The following ITGA6 variants were observed in gnomAD, a reference collection of about 807,000 sequenced individuals.
The protein encoded by ITGA6 is integrin alpha-6.
In ITGA6, 63 loss-of-function variants were observed where a neutral mutation model predicts 133.6. That is an observed-to-expected ratio of 0.47 (90% CI 0.38 to 0.58). ITGA6 has a LOEUF of 0.58. ITGA6 is among the 20% of genes least tolerant of loss of function. The pLI, the probability that ITGA6 is intolerant of heterozygous loss-of-function variation, is 0.00. For synonymous variants in ITGA6, 434 were observed against 482.0 expected (o/e 0.90, Z 1.30); for missense variants, 1,068 against 1,309.4 (o/e 0.82, Z 2.85).
Position 172,487,453 on chromosome 2 carries a change from T to A in ITGA6, c.2160T>A (p.Pro720=). 2.5e-6 allele frequency: 4 copies of A among 1,613,784 alleles called. No homozygotes were observed. Among genetic ancestry groups the A allele is most frequent in the Non-Finnish European group, 3.4e-6 (4 of 1,179,690 alleles). The change falls in exon 15 of 26, where the codon CCT becomes CCA. Residue 720 remains proline (P), a splice_region_variant and synonymous_variant. Coordinates refer to ENST00000684293, the MANE Select transcript of ITGA6 (RefSeq NM_000210.4). ...YSAYRELRAF[P]EKQLSCVANQ... ...CATATAGAGAACTGAGGGCTTTCCC[T>A]GTAAGTATTGTTAGAGACCAGCTGA...
chr2:172,480,045 T>G lies in ITGA6; in HGVS notation c.1543T>G (p.Ser515Ala). Residue 515 changes from serine to alanine, a missense_variant, in exon 11 of 26, where the codon TCA (serine) becomes GCA (alanine). Coordinates refer to ENST00000684293, the MANE Select transcript of ITGA6 (RefSeq NM_000210.4). ...YTANPAGYNPSISIVGTLEAE... is the reference protein window; with the variant it reads ...YTANPAGYNPAISIVGTLEAE... ...TGCTAACCCCGCTGGTTATAATCCTTCAATATGTAAGTACCTAGTACCTTT... is the reference window on the plus strand; with the variant it reads ...TGCTAACCCCGCTGGTTATAATCCTGCAATATGTAAGTACCTAGTACCTTT... 6.5e-7 allele frequency: 1 copy of G among 1,546,590 alleles called. No homozygotes were observed. Among genetic ancestry groups the G allele is most frequent in the Non-Finnish European group, 8.9e-7 (1 of 1,118,662 alleles).
At chr2:172,431,006 T>G (rs1684083654) in intron 1 of ITGA6, among the ~76,000 whole-genome samples, 1 of 152,204 alleles carries the variant, frequency 6.6e-6, no homozygotes, top group Non-Finnish European at 1.5e-5. Flanking sequence ...GAAGGAGATC[T>G]ATAAGAGATA....
rs531118044 is a variant in ITGA6 at position 172,483,893 on chromosome 2, C to T, written c.1550-889C>T. Among the ~76,000 whole-genome samples, 6 of 152,326 alleles carry T rather than the reference C, an allele frequency of 3.9e-5. No homozygotes were observed. In the South Asian group the frequency reaches 8.3e-4, roughly 21 times the overall value. The stretch of plus-strand genomic sequence containing the variant: ...TGGCATGAATTCAGCTCACTGTAAC[C>T]TCTGCCTCCTGGGTTCAAGCGATTC... On this transcript the variant is annotated intron_variant, in intron 11 of 25. Coordinates refer to ENST00000684293, the MANE Select transcript of ITGA6 (RefSeq NM_000210.4).
At chr2:172,428,091 C>G in intron 1 of ITGA6, 121 bp downstream of exon 1, 5 of 965,462 alleles carry the variant, frequency 5.2e-6, no homozygotes, top group Non-Finnish European at 6.8e-6. Context: ...GCGCCCGGGC[C>G]GGCCGAGGCG....
At chr2:172,471,464 A>C (rs916800706) in intron 5 of ITGA6, among the ~76,000 whole-genome samples, 8 of 152,170 alleles carry the variant, frequency 5.3e-5, no homozygotes, top group African/African-American at 1.7e-4. Flanking sequence ...CAGTAAGCTG[A>C]GATCTTTGTT....
intron 1 of ITGA6, 46 bp downstream of exon 1, chr2:172,428,016 G>A: frequency 6.4e-7 from 1 of 1,571,572 alleles, no homozygotes; most frequent in African/African-American, 1.4e-5. Flanking sequence ...GCCGGCCTGC[G>A]CGCGAGTTGA....
At chr2:172,469,091 C>T in intron 3 of ITGA6, 34 bp from the exon 4 acceptor site, 5 of 1,612,946 alleles carry the variant, frequency 3.1e-6, no homozygotes, top group Non-Finnish European at 3.4e-6. Flanking sequence ...GGTTTATAGA[C>T]AAGAATGGGC....
chr2:172,432,263 G>A (rs1314675352), intron 1 of ITGA6, among the ~76,000 whole-genome samples: 3 of 152,172 alleles, frequency 2.0e-5, no homozygotes, highest in Admixed American at 2.0e-4. Context: ...CTACACTAAA[G>A]CAATGTCTTT....
chr2:172,474,552 C>A (rs563280072), intron 6 of ITGA6, among the ~76,000 whole-genome samples: 1 of 152,270 alleles, frequency 6.6e-6, no homozygotes, highest in African/African-American at 2.4e-5. Flanking sequence ...AAAACACTTG[C>A]ATGATTCTGT....
intron 23 of ITGA6, among the ~76,000 whole-genome samples, chr2:172,492,290 C>T (rs1204060368): frequency 6.6e-6 from 1 of 152,216 alleles, no homozygotes; most frequent in East Asian, 1.9e-4. Context: ...TTTCTAGCAG[C>T]TGCTATTTTT....
intron 1 of ITGA6, among the ~76,000 whole-genome samples, chr2:172,462,977 G>A (rs534416025): frequency 5.3e-5 from 8 of 152,272 alleles, no homozygotes; most frequent in Admixed American, 3.9e-4. Flanking sequence ...CAGTCCCGCT[G>A]TCATCTCTTA....
At chr2:172,476,316 T>G in intron 8 of ITGA6, 79 bp from the exon 9 acceptor site, 1 of 828,362 alleles carries the variant, frequency 1.2e-6, no homozygotes, top group Non-Finnish European at 2.2e-6. Flanking sequence ...CAAAAGAAAC[T>G]TGTGTGTCTT....
rs758712163 is a variant in ITGA6 at position 172,465,600 on chromosome 2, G to A, written c.244G>A (p.Gly82Arg). The A allele has an allele frequency of 6.2e-7, 1 of 1,614,254 alleles. No individual in the cohort carries two copies. The highest frequency in any genetic ancestry group is 8.5e-7 in the Non-Finnish European group (1 of 1,180,042). ...ACTGCAGAGAGCCAACAGAACGGGA[G>A]GGCTGTACAGCTGCGACATCACCGC... Reference protein sequence around the residue: ...LPLQRANRTGGLYSCDITARG... With the variant: ...LPLQRANRTGRLYSCDITARG... Residue 82 changes from glycine to arginine, a missense_variant, in exon 2 of 26, where the codon GGG (glycine) becomes AGG (arginine). Around this residue, in one of 3 missense-constraint regions of ITGA6, gnomAD observed 142 missense variants for 145.3 expected, o/e 0.98. Transcript: ENST00000684293.
chr2:172,502,831 CT>C (rs937219789), intron 25 of ITGA6, among the ~76,000 whole-genome samples: 11 of 152,180 alleles, frequency 7.2e-5, no homozygotes, highest in Non-Finnish European at 1.3e-4. Context: ...TCCTGTAATC[CT>C]TTCCATGGCA....
intron 1 of ITGA6, among the ~76,000 whole-genome samples, chr2:172,436,726 G>C (rs1396099094): frequency 6.6e-6 from 1 of 152,198 alleles, no homozygotes; most frequent in Non-Finnish European, 1.5e-5. Context: ...TATAGAAATT[G>C]TTCATTCAAC....
In ITGA6 at chr2:172,491,073, A is replaced by T. The variant is rs1241066003; in HGVS notation, c.2729A>T (p.Asp910Val). 1 of 1,595,094 alleles carries T rather than the reference A, an allele frequency of 6.3e-7. No individual in the cohort carries two copies. Among genetic ancestry groups the T allele is most frequent in the Admixed American group, 1.7e-5 (1 of 59,994 alleles). ...KKREITEKQI[D>V]DNRKFSLFAE... ...CGGGAAATTACTGAAAAACAGATAG[A>T]TGATAACAGAAAATTTTCTTTATTT... The change falls in exon 21 of 26, where the codon GAT becomes GTT. Residue 910 changes from aspartate to valine, a missense_variant. Around this residue, in one of 3 missense-constraint regions of ITGA6, gnomAD observed 609 missense variants for 707.2 expected, o/e 0.86. Coordinates refer to ENST00000684293, the MANE Select transcript of ITGA6 (RefSeq NM_000210.4). The surrounding 1 kb of genome is among the most constrained non-coding windows in gnomAD (Gnocchi z 4.4).
chr2:172,449,011 G>A (rs2149013199), intron 1 of ITGA6, among the ~76,000 whole-genome samples: 1 of 152,312 alleles, frequency 6.6e-6, no homozygotes, highest in South Asian at 2.1e-4. Context: ...TGTTTATGGG[G>A]TTGGGGGCAA....
rs540344373 is a variant in ITGA6 at position 172,474,318 on chromosome 2, C to T, written c.986+53C>T. The T allele has an allele frequency of 1.1e-3, 1,621 of 1,486,090 alleles. 33 individuals carry two copies. In the South Asian group the frequency reaches 0.018, roughly 16 times the overall value. 92.1% of individuals were successfully genotyped at this position (1,486,090 alleles called of 1,614,324 possible). ...TGCAAATCATTTCTGCTTTGACTAGCTTCTATACGACTGGAGAAGAGCCGT... is the reference window on the plus strand; with the variant it reads ...TGCAAATCATTTCTGCTTTGACTAGTTTCTATACGACTGGAGAAGAGCCGT... On this transcript the variant is annotated intron_variant, in intron 6 of 25. Transcript: ENST00000684293.
Position 172,489,658 on chromosome 2 carries a change from G to T in ITGA6, c.2679G>T (p.Thr893=). 1 of 1,612,320 alleles carries T rather than the reference G, an allele frequency of 6.2e-7. No individual in the cohort carries two copies. Among genetic ancestry groups the T allele is most frequent in the Non-Finnish European group, 8.5e-7 (1 of 1,178,530 alleles). Residue 893 remains threonine, a splice_region_variant and synonymous_variant, in exon 20 of 26, where the codon ACG becomes ACT. Transcript: ENST00000684293. ...AGGAGATAAACTCCCTGAACCTAAC[G>T]GTATGTCGGTAGATTTATCTAATGT... The part of the protein sequence containing the change: ...PQKEINSLNL[T]ESHNSRKKRE...
Sources: gnomAD v4.1 joint callset for allele counts (sites outside exome capture counted in the v4.1 genomes callset) on GRCh38, gnomAD v4.1.1 for gene constraint, gnomAD v4.1.1 regional missense constraint, Gnocchi (gnomAD v3.1) non-coding constraint, MANE v1.5 for transcripts, NCBI Gene and HGNC (gene_info 2026-07-23, HGNC 2026-07-21) for gene names.